Variants in MET observed in about 807,000 individuals in gnomAD.
MET encodes the protein hepatocyte growth factor receptor.
Under a neutral mutation model 133.1 loss-of-function variants are expected in MET, and 48 were observed. The observed-to-expected ratio is 0.36, with a 90% CI of 0.29 to 0.46. The LOEUF (loss-of-function observed/expected upper bound fraction) is 0.46. Ranked by LOEUF, MET falls within the 20% of genes least tolerant of loss-of-function variation. MET has a pLI of 1.00. For missense variants in MET, 1,442 were observed against 1,695.9 expected (o/e 0.85, Z 2.63); for synonymous variants, 628 against 616.5 (o/e 1.02, Z -0.28).
At chr7:116,676,822 T>G (rs972429613) in intron 1 of MET, among the ~76,000 whole-genome samples, 39 of 152,118 alleles carry the variant, frequency 2.6e-4, no homozygotes, top group African/African-American at 9.2e-4. Flanking sequence ...GTCCATAGAC[T>G]CCCTGATTTT....
At chr7:116,696,984 T>G (rs1796987618) in intron 1 of MET, among the ~76,000 whole-genome samples, 2 of 152,188 alleles carry the variant, frequency 1.3e-5, no homozygotes, top group African/African-American at 4.8e-5. Flanking sequence ...GAGTTTTCAT[T>G]CTTCACTTGT....
In MET at chr7:116,796,601, G is replaced by A. The variant is rs1259985584; in HGVS notation, c.*477G>A. On this transcript the variant is annotated 3_prime_UTR_variant, in exon 21 of 21. Transcript: ENST00000397752. The stretch of plus-strand genomic sequence containing the variant: ...TCAATAACATTTTTCATTACTGATG[G>A]TGTCATTCACCCATTAGGTAAACAT... The A allele has an allele frequency of 3.4e-6, 1 of 291,872 alleles. No homozygotes were observed. Among genetic ancestry groups the A allele is most frequent in the Non-Finnish European group, 6.5e-6 (1 of 153,564 alleles). The allele number at this position is 291,872 out of a possible 1,614,324, so 18.1% of individuals were successfully genotyped here.
intron 3 of MET, 129 bp from the exon 4 acceptor site, chr7:116,739,821 C>G (rs549697617): frequency 4.2e-4 from 539 of 1,273,006 alleles, no homozygotes; most frequent in Non-Finnish European, 6.0e-4. Context: ...ATGAGGGGAA[C>G]TGTTGGGTCT....
chr7:116,754,983 G>GGAAAGAGAAA, intron 5 of MET, among the ~76,000 whole-genome samples: 1 of 78,694 alleles, frequency 1.3e-5, no homozygotes. Context: ...AGCAGAGAAA[G>GGAAAGAGAAA]GAAAGAAAGA....
At chr7:116,773,997 T>C (rs1393520091) in intron 14 of MET, among the ~76,000 whole-genome samples, 2 of 152,212 alleles carry the variant, frequency 1.3e-5, no homozygotes, top group African/African-American at 4.8e-5. Flanking sequence ...TACATTTCAA[T>C]ACTATGCCTA....
At chr7:116,751,353 A>T (rs1354554397) in intron 5 of MET, among the ~76,000 whole-genome samples, 1 of 152,158 alleles carries the variant, frequency 6.6e-6, no homozygotes, top group Non-Finnish European at 1.5e-5. Flanking sequence ...GTTCTCACTC[A>T]TAAGTGGGAG....
chr7:116,715,688 G>T (rs544431495), intron 2 of MET, among the ~76,000 whole-genome samples: 1 of 152,182 alleles, frequency 6.6e-6, no homozygotes, highest in Non-Finnish European at 1.5e-5. Flanking sequence ...AATCTGTTAT[G>T]TAGATATGTG....
intron 2 of MET, among the ~76,000 whole-genome samples, chr7:116,721,647 C>T (rs1433173146): frequency 6.6e-6 from 1 of 152,132 alleles, no homozygotes; most frequent in Non-Finnish European, 1.5e-5. Context: ...CCTCTCCACA[C>T]TGCTTTGAAT....
intron 3 of MET, among the ~76,000 whole-genome samples, chr7:116,733,224 T>C (rs1412888386): frequency 6.6e-6 from 1 of 152,216 alleles, no homozygotes; most frequent in East Asian, 1.9e-4. Context: ...ATACATGTTT[T>C]TAATTTACAT....
intron 16 of MET, among the ~76,000 whole-genome samples, chr7:116,778,432 A>T (rs1795056336): frequency 6.6e-6 from 1 of 152,248 alleles, no homozygotes; most frequent in Non-Finnish European, 1.5e-5. Context: ...CATGCTAAGT[A>T]GTGTTCTACA....
At chr7:116,765,714 A>G (rs1458257166) in intron 11 of MET, among the ~76,000 whole-genome samples, 1 of 152,146 alleles carries the variant, frequency 6.6e-6, no homozygotes, top group East Asian at 1.9e-4. Flanking sequence ...CTCTATCAAC[A>G]ACAGCTCATG....
At chr7:116,716,206 T>C (rs1476580184) in intron 2 of MET, among the ~76,000 whole-genome samples, 2 of 148,200 alleles carry the variant, frequency 1.3e-5, no homozygotes, top group Non-Finnish European at 3.0e-5. Flanking sequence ...TGAGCCAAGA[T>C]TGTGCCACTG....
chr7:116,758,747 C>T, intron 9 of MET, 127 bp downstream of exon 9: 1 of 904,316 alleles, frequency 1.1e-6, no homozygotes, highest in Non-Finnish European at 1.7e-6. Flanking sequence ...TTGAAGGCTT[C>T]TTTCCAATTC....
intron 19 of MET, among the ~76,000 whole-genome samples, chr7:116,792,737 T>C (rs1795548519): frequency 6.6e-6 from 1 of 152,100 alleles, no homozygotes; most frequent in African/African-American, 2.4e-5. Flanking sequence ...ATTACCCAAC[T>C]CCATCCCCCT....
chr7:116,715,515 A>G (rs1792156595), intron 2 of MET, among the ~76,000 whole-genome samples: 1 of 152,168 alleles, frequency 6.6e-6, no homozygotes, highest in Admixed American at 6.5e-5. Flanking sequence ...TCCTTAACTA[A>G]TCACATATCA....
chr7:116,724,252 GC>G (rs1792637115), intron 2 of MET: 1 of 169,920 alleles, frequency 5.9e-6, no homozygotes, highest in South Asian at 1.4e-4. Flanking sequence ...TTTTCCAGGT[GC>G]GTCTGTCACC....
At chr7:116,751,181 A>G (rs1254439890) in intron 5 of MET, among the ~76,000 whole-genome samples, 1 of 152,254 alleles carries the variant, frequency 6.6e-6, no homozygotes, top group African/African-American at 2.4e-5. Flanking sequence ...CCAAATGCCC[A>G]TCAAAGATAG....
intron 2 of MET, among the ~76,000 whole-genome samples, chr7:116,706,104 C>G (rs116901588): frequency 0.011 from 1,717 of 152,202 alleles, 11 homozygotes; most frequent in Non-Finnish European, 0.018. Context: ...CAAGAGAACA[C>G]AGTGCTGAAG....
At position 116,759,481 on chromosome 7, in the gene MET, C is replaced by T; in HGVS notation, c.2355C>T (p.Asn785=). Residue 785 remains asparagine, a synonymous_variant, in exon 10 of 21, where the codon AAC becomes AAT. Transcript: ENST00000397752. The part of the protein sequence containing the change: ...MVINVHEAGR[N]FTVACQHRSN... ...TAAATGTGCATGAAGCAGGAAGGAA[C>T]TTTACAGTGGTAAGTCCTTTGAGCA... is the stretch of plus-strand genomic sequence containing the variant. 1 of 1,613,300 alleles carries T rather than the reference C, an allele frequency of 6.2e-7. No homozygotes were observed. Among genetic ancestry groups the T allele is most frequent in the Non-Finnish European group, 8.5e-7 (1 of 1,179,634 alleles).
Sources: allele counts gnomAD v4.1 joint callset (sites outside exome capture counted in the v4.1 genomes callset), GRCh38; gene constraint gnomAD v4.1.1; transcripts MANE v1.5; gene names NCBI Gene and HGNC (gene_info 2026-07-23, HGNC 2026-07-21).